The following GLIS3 variants were observed in gnomAD, a reference collection of about 807,000 sequenced individuals.
GLIS3 encodes GLIS family zinc finger 3.
In GLIS3, 53 loss-of-function variants were observed where a neutral mutation model predicts 78.6. That is an observed-to-expected ratio of 0.67 (90% confidence interval 0.54 to 0.85). GLIS3 has a LOEUF of 0.85. GLIS3 is among the 40% of genes least tolerant of loss of function. The probability of loss-of-function intolerance (pLI) is 0.00; values close to 1 mark genes in which losing one functional copy is unlikely to be tolerated. For synonymous variants in GLIS3, 684 were observed against 509.9 expected, an observed-to-expected ratio of 1.34 and a Z score of -4.60; for missense variants, 1,703 against 1,231.1, an observed-to-expected ratio of 1.38 and a Z score of -5.74.
At chr9:4,265,395 C>A (rs1364473317) in intron 2 of GLIS3, among the ~76,000 whole-genome samples, 1 of 141,964 alleles carries the variant, frequency 7.0e-6, no homozygotes, top group Non-Finnish European at 1.5e-5. Context: ...CAGATATTAT[C>A]CCTTAGAAAG....
intron 4 of GLIS3, 43 bp downstream of exon 4, chr9:4,117,725 C>T: frequency 6.2e-7 from 1 of 1,613,222 alleles, no homozygotes; most frequent in Non-Finnish European, 8.5e-7. Context: ...CAAAGCAAGC[C>T]GGGCCTTCAA....
At chr9:3,867,125 A>G (rs1260046895) in intron 8 of GLIS3, among the ~76,000 whole-genome samples, 10 of 152,234 alleles carry the variant, frequency 6.6e-5, no homozygotes, top group Non-Finnish European at 1.3e-4. Flanking sequence ...AGATAACTAT[A>G]TAGACTTAAC....
At chr9:4,325,050 C>T (rs555887928) in intron 2 of GLIS3, among the ~76,000 whole-genome samples, 6 of 152,270 alleles carry the variant, frequency 3.9e-5, no homozygotes, top group Non-Finnish European at 7.4e-5. Context: ...GCTGAGACCA[C>T]AGAATCACTC....
intron 4 of GLIS3, among the ~76,000 whole-genome samples, chr9:3,988,049 C>T (rs1361830956): frequency 1.3e-5 from 2 of 151,942 alleles, no homozygotes; most frequent in Non-Finnish European, 2.9e-5. Flanking sequence ...TATATGTATA[C>T]ATTGTGAAAT....
chr9:3,836,899 C>G lies in GLIS3; in HGVS notation c.2474-7407G>C, dbSNP rs532529092. The stretch of plus-strand genomic sequence containing the variant: ...GTGACCCTATGTTAAAGGACAATCT[C>G]AGCATTCTGCTTGTTAGTTAAGCCA... On this transcript the variant is annotated intron_variant, in intron 9 of 10. Transcript: ENST00000381971. Among the ~76,000 whole-genome samples, 31 of 152,334 alleles carry G rather than the reference C, an allele frequency of 2.0e-4. 1 individual carries two copies. The South Asian group carries it at 6.4e-3, about 32-fold the overall frequency.
At chr9:4,488,497 A>C in the GLIS3 span, among the ~76,000 whole-genome samples, 75 of 151,030 alleles carry the variant, frequency 5.0e-4, no homozygotes, top group African/African-American at 1.8e-3. Flanking sequence ...TGTGGGACAA[A>C]TCTGTTCTCT....
At chr9:4,029,854 C>G (rs1276994262) in intron 4 of GLIS3, among the ~76,000 whole-genome samples, 2 of 152,180 alleles carry the variant, frequency 1.3e-5, no homozygotes, top group Admixed American at 1.3e-4. Flanking sequence ...TTGATGGACA[C>G]TTTGGTTGCT....
At chr9:4,300,116 G>A (rs1208393799), upstream of GLIS3, among the ~76,000 whole-genome samples, 1 of 150,446 alleles carries the variant, frequency 6.6e-6, no homozygotes, top group African/African-American at 2.5e-5. Context: ...GAGTGTGAGC[G>A]CCGGAGGGGG....
chr9:4,396,131 T>A, the GLIS3 span, among the ~76,000 whole-genome samples: 12 of 151,702 alleles, frequency 7.9e-5, no homozygotes, highest in Admixed American at 2.6e-4. Context: ...TTTTTTTTTT[T>A]AGATGGAATC....
chr9:3,946,749 G>A (rs1816321138), intron 4 of GLIS3, among the ~76,000 whole-genome samples: 1 of 152,166 alleles, frequency 6.6e-6, no homozygotes, highest in African/African-American at 2.4e-5. Flanking sequence ...TTGGGAACGT[G>A]TTAGTAGCAA....
chr9:4,473,460 C>CAACAACAAAAAAAAA, the GLIS3 span, among the ~76,000 whole-genome samples: 4 of 131,294 alleles, frequency 3.0e-5, no homozygotes, highest in African/African-American at 1.1e-4. Context: ...ACAACAACAA[C>CAACAACAAAAAAAAA]AAAAAAAAAG....
chr9:4,322,978 T>C (rs1040888525), intron 2 of GLIS3, among the ~76,000 whole-genome samples: 8 of 152,206 alleles, frequency 5.3e-5, no homozygotes, highest in African/African-American at 1.9e-4. Flanking sequence ...AGTCATGAAG[T>C]CCTTGCCCAT....
intron 4 of GLIS3, among the ~76,000 whole-genome samples, chr9:4,043,680 T>C (rs892728708): frequency 3.9e-5 from 6 of 152,214 alleles, no homozygotes; most frequent in African/African-American, 1.4e-4. Context: ...CCAACAGCCA[T>C]GGACATGTGA....
chr9:4,307,189 G>A (rs1817247707), intron 4 of GLIS3, among the ~76,000 whole-genome samples: 1 of 152,038 alleles, frequency 6.6e-6, no homozygotes. Flanking sequence ...GGAGGTGAGA[G>A]GAGGACGCAG....
intron 7 of GLIS3, among the ~76,000 whole-genome samples, chr9:3,886,719 A>G (rs1822099789): frequency 6.6e-6 from 1 of 152,196 alleles, no homozygotes; most frequent in Non-Finnish European, 1.5e-5. Context: ...TTCACCTTGG[A>G]GCAATTTAAT....
chr9:4,322,788 T>C (rs1817553549), intron 2 of GLIS3, among the ~76,000 whole-genome samples: 1 of 152,216 alleles, frequency 6.6e-6, no homozygotes, highest in Non-Finnish European at 1.5e-5. Flanking sequence ...TTTGTTTAAG[T>C]TCTTTGTAGA....
intron 2 of GLIS3, among the ~76,000 whole-genome samples, chr9:4,189,101 T>C (rs993991208): frequency 6.6e-6 from 1 of 151,756 alleles, no homozygotes; most frequent in African/African-American, 2.4e-5. Flanking sequence ...GGTGTCAATT[T>C]TAGATCTTTC....
At chr9:4,012,773 T>C (rs771835615) in intron 4 of GLIS3, among the ~76,000 whole-genome samples, 215 of 140,288 alleles carry the variant, frequency 1.5e-3, no homozygotes, top group Non-Finnish European at 2.5e-3. Context: ...TTCTTTTTTT[T>C]TTTTTTTTTT....
the GLIS3 span, among the ~76,000 whole-genome samples, chr9:4,479,904 C>CTTTTTTT: frequency 1.5e-3 from 160 of 108,734 alleles, no homozygotes; most frequent in Non-Finnish European, 1.9e-3. Flanking sequence ...ATTTCTTCTT[C>CTTTTTTT]TTTTTTTTTT....
Sources: allele counts gnomAD v4.1 joint callset (sites outside exome capture counted in the v4.1 genomes callset), GRCh38; gene constraint gnomAD v4.1.1; transcripts MANE v1.5; gene names NCBI Gene and HGNC (gene_info 2026-07-23, HGNC 2026-07-21).